The following WWTR1 variants were observed in gnomAD, a reference collection of about 807,000 sequenced individuals.
WWTR1 encodes WW domain-containing transcription regulator protein 1.
Under a neutral mutation model 40.1 loss-of-function variants are expected in WWTR1, and 13 were observed. The ratio of observed to expected loss-of-function variants is 0.32; its 90% CI spans 0.21 to 0.52. The LOEUF (loss-of-function observed/expected upper bound fraction) is 0.52, where lower values mean the gene tolerates loss of function less well. Among genes scored for constraint, WWTR1 ranks in the 20% least tolerant of loss-of-function variants. WWTR1 has a pLI of 0.97. For missense variants in WWTR1, 436 were observed against 523.1 expected, an observed-to-expected ratio of 0.83 and a Z score of 1.63; for synonymous variants, 230 against 210.1, an observed-to-expected ratio of 1.09 and a Z score of -0.82.
At chr3:149,548,392 T>A (rs1282256542) in intron 3 of WWTR1, among the ~76,000 whole-genome samples, 2 of 152,196 alleles carry the variant, frequency 1.3e-5, no homozygotes, top group African/African-American at 4.8e-5. Flanking sequence ...TCCTGGAATG[T>A]TTCACAAACG....
chr3:149,568,344 G>A (rs1383248213), intron 3 of WWTR1, among the ~76,000 whole-genome samples: 1 of 149,226 alleles, frequency 6.7e-6, no homozygotes, highest in Admixed American at 6.6e-5. Flanking sequence ...CAAGTCTAAA[G>A]TCCCCCAAGG....
At chr3:149,659,244 C>T (rs562509191), upstream of WWTR1, 2 of 152,040 alleles carry the variant, frequency 1.3e-5, no homozygotes, top group African/African-American at 4.8e-5. Context: ...CAATGTAAAG[C>T]ACTTCGCACA....
intron 6 of WWTR1, among the ~76,000 whole-genome samples, chr3:149,522,520 G>A (rs768448965): frequency 2.6e-5 from 4 of 151,944 alleles, no homozygotes; most frequent in Admixed American, 1.3e-4. Flanking sequence ...GAAAAATAAC[G>A]TTAAACGAAA....
chr3:149,681,557 T>A (rs984277658), intron 1 of WWTR1, among the ~76,000 whole-genome samples: 1 of 152,112 alleles, frequency 6.6e-6, no homozygotes, highest in African/African-American at 2.4e-5. Flanking sequence ...GTTGTGGGAG[T>A]TCTTTATTTC....
At chr3:149,692,028 C>A (rs1015436200) in intron 1 of WWTR1, among the ~76,000 whole-genome samples, 1 of 151,460 alleles carries the variant, frequency 6.6e-6, no homozygotes, top group Non-Finnish European at 1.5e-5. Flanking sequence ...AAAAAAAAAT[C>A]ATTTAAAAAG....
At chr3:149,562,644 CACAA>C (rs1560061606) in intron 3 of WWTR1, among the ~76,000 whole-genome samples, 1 of 108,270 alleles carries the variant, frequency 9.2e-6, no homozygotes, top group Non-Finnish European at 1.9e-5. Flanking sequence ...CACACACACA[CACAA>C]AGGGGGAGGG....
chr3:149,586,398 A>T (rs1321024253), intron 2 of WWTR1, among the ~76,000 whole-genome samples: 1 of 151,884 alleles, frequency 6.6e-6, no homozygotes, highest in Non-Finnish European at 1.5e-5. Context: ...CACTCGCAAG[A>T]TAAAGAAAGA....
At chr3:149,594,105 A>T (rs552003032) in intron 2 of WWTR1, among the ~76,000 whole-genome samples, 1 of 152,330 alleles carries the variant, frequency 6.6e-6, no homozygotes, top group East Asian at 1.9e-4. Flanking sequence ...ACTGTTCTAC[A>T]AAAATTCTAC....
At chr3:149,569,144 G>C (rs1260158885) in intron 3 of WWTR1, among the ~76,000 whole-genome samples, 5 of 152,158 alleles carry the variant, frequency 3.3e-5, no homozygotes, top group Non-Finnish European at 1.5e-5. Flanking sequence ...ATTTCCACCA[G>C]AGGGCACTAT....
intron 5 of WWTR1, among the ~76,000 whole-genome samples, chr3:149,715,488 G>A (rs912500856): frequency 6.6e-6 from 1 of 152,268 alleles, no homozygotes; most frequent in Non-Finnish European, 1.5e-5. Context: ...TTTGTGCGCA[G>A]TGGCCGGATC....
chr3:149,667,031 TTAAA>T lies in WWTR1; in HGVS notation c.-4+2753_-4+2756del, dbSNP rs1158233039. 2.0e-5 allele frequency among the ~76,000 whole-genome samples: 3 copies of T among 152,312 alleles called. No homozygotes were observed. The East Asian group carries it at 5.8e-4, about 29-fold the overall frequency. On this transcript the variant is annotated intron_variant, in intron 2 of 7. Coordinates refer to the WWTR1 transcript ENST00000465804. ...AAGCTTAGTTGTCTCCTCCCTCTCA[TTAAA>T]TAAATAAAAACTTAAATGTGTTGGA...
At chr3:149,564,793 T>C (rs1490640940) in intron 3 of WWTR1, among the ~76,000 whole-genome samples, 3 of 152,226 alleles carry the variant, frequency 2.0e-5, no homozygotes, top group Non-Finnish European at 2.9e-5. Flanking sequence ...AGTATAATTA[T>C]AGCATAAACA....
chr3:149,522,974 G>A (rs1199775249), intron 6 of WWTR1, among the ~76,000 whole-genome samples: 2 of 151,470 alleles, frequency 1.3e-5, no homozygotes, highest in East Asian at 1.9e-4. Flanking sequence ...GCTGAGGCCC[G>A]AGACTCGTTT....
At chr3:149,536,731 T>G (rs1203508440) in intron 4 of WWTR1, among the ~76,000 whole-genome samples, 3 of 148,936 alleles carry the variant, frequency 2.0e-5, no homozygotes, top group African/African-American at 2.5e-5. Context: ...CAAACTGCAT[T>G]CTCCTGTCCC....
chr3:149,635,936 G>A (rs1711796381), intron 2 of WWTR1, among the ~76,000 whole-genome samples: 1 of 151,994 alleles, frequency 6.6e-6, no homozygotes, highest in South Asian at 2.1e-4. Context: ...TGGTCAAAAG[G>A]GAATTCATTT....
At chr3:149,589,092 C>G (rs1163685408) in intron 2 of WWTR1, among the ~76,000 whole-genome samples, 2 of 152,186 alleles carry the variant, frequency 1.3e-5, no homozygotes, top group Non-Finnish European at 2.9e-5. Flanking sequence ...GAGCTGCCCT[C>G]TCCTTGGGCA....
chr3:149,692,023 A>G (rs1714842647), intron 1 of WWTR1, among the ~76,000 whole-genome samples: 1 of 152,132 alleles, frequency 6.6e-6, no homozygotes, highest in African/African-American at 2.4e-5. Flanking sequence ...CTCAAAAAAA[A>G]AAATCATTTA....
Position 149,581,219 on chromosome 3 carries a change from C to T in WWTR1, c.432-8219G>A, listed in dbSNP as rs867146877. Among the ~76,000 whole-genome samples the T allele has an allele frequency of 1.8e-4, 27 of 152,198 alleles. 1 individual carries two copies. The highest frequency in any genetic ancestry group is 6.8e-3 in the Middle Eastern group (2 of 294). ...TCTTCCATTCTGCCCAAATCCTAAA[C>T]GGCACCATCTCCTGCTATTTTTAAT... On this transcript the variant is annotated intron_variant, in intron 2 of 6. Coordinates refer to ENST00000360632, the MANE Select transcript of WWTR1 (RefSeq NM_015472.6).
chr3:149,715,319 T>A (rs1436458530), intron 5 of WWTR1, among the ~76,000 whole-genome samples: 1 of 152,178 alleles, frequency 6.6e-6, no homozygotes, highest in Non-Finnish European at 1.5e-5. Context: ...GTTGCAGGCA[T>A]CTCCAAGCTT....
Sources: allele counts gnomAD v4.1 joint callset (sites outside exome capture counted in the v4.1 genomes callset), GRCh38; gene constraint gnomAD v4.1.1; transcripts MANE v1.5; gene names NCBI Gene and HGNC (gene_info 2026-07-23, HGNC 2026-07-21).